The following GBE1 variants were observed in gnomAD, a reference collection of about 807,000 sequenced individuals.
The protein encoded by GBE1 is 1,4-alpha-glucan branching enzyme 1.
GBE1 carries 70 observed loss-of-function variants against 88.8 expected under a neutral mutation model. The observed-to-expected ratio is 0.79, with a 90% CI of 0.65 to 0.96. The LOEUF (loss-of-function observed/expected upper bound fraction) is 0.96, where lower values mean the gene tolerates loss of function less well. Among genes scored for constraint, GBE1 ranks in the 40% least tolerant of loss-of-function variants. GBE1 has a pLI of 0.00. For synonymous variants in GBE1, 284 were observed against 300.1 expected (o/e 0.95, Z 0.56); for missense variants, 872 against 871.0 (o/e 1.00, Z -0.01).
rs563050760 is a variant in GBE1 at position 81,745,783 on chromosome 3, T to TAAAG, written c.143+15588_143+15591dup. On this transcript the variant is annotated intron_variant, in intron 1 of 15. Coordinates refer to ENST00000429644, the MANE Select transcript of GBE1 (RefSeq NM_000158.4). ...AATTACTCCACTTTACCTTTCTGTT[T>TAAAG]AAAGGCAGATAAATTTTTAGCTATA... Among the ~76,000 whole-genome samples, 47 of 152,258 alleles carry TAAAG rather than the reference T, an allele frequency of 3.1e-4. 1 individual carries two copies. The highest frequency in any genetic ancestry group is 1.1e-3 in the African/African-American group (46 of 41,566).
intron 1 of GBE1, among the ~76,000 whole-genome samples, chr3:81,720,063 C>A (rs1382206829): frequency 2.6e-5 from 4 of 151,922 alleles, no homozygotes; most frequent in Non-Finnish European, 5.9e-5. Flanking sequence ...ACAAAAAAAT[C>A]CACATCTTTT....
At position 81,593,909 on chromosome 3, in the gene GBE1, C is replaced by G; in HGVS notation, c.1107G>C (p.Val369=). The change falls in exon 8 of 16, where the codon GTG becomes GTC. Residue 369 remains valine (V), a splice_region_variant and synonymous_variant. Coordinates refer to ENST00000429644, the MANE Select transcript of GBE1 (RefSeq NM_000158.4). The part of the protein sequence containing the change: ...VTSMLYHHHG[V]GQGFSGDYSE... Reference sequence around the variant, plus strand: ...ACCTGATTATATCAGGTTACCTACCCACTCCATGGTGATGATAAAGCATGG... The same window carrying G: ...ACCTGATTATATCAGGTTACCTACCGACTCCATGGTGATGATAAAGCATGG... 1.3e-6 allele frequency: 2 copies of G among 1,503,366 alleles called. No individual in the cohort carries two copies. Among genetic ancestry groups the G allele is most frequent in the Non-Finnish European group, 1.8e-6 (2 of 1,100,068 alleles). 93.1% of individuals were successfully genotyped at this position (1,503,366 alleles called of 1,614,324 possible). A position where few individuals can be genotyped will look rare whatever the true frequency, so the allele number is the denominator to read the frequency against.
At chr3:81,641,928 T>C (rs891963956) in intron 7 of GBE1, among the ~76,000 whole-genome samples, 1 of 149,198 alleles carries the variant, frequency 6.7e-6, no homozygotes, top group Non-Finnish European at 1.5e-5. Flanking sequence ...ATAATATGTA[T>C]ATAATACATA....
At chr3:81,528,733 T>C (rs1702978728) in intron 14 of GBE1, among the ~76,000 whole-genome samples, 1 of 152,048 alleles carries the variant, frequency 6.6e-6, no homozygotes, top group Middle Eastern at 3.2e-3. Flanking sequence ...ATGACCTTAT[T>C]TGTCTCTTTT....
chr3:81,671,143 T>C (rs1705183659), intron 2 of GBE1, among the ~76,000 whole-genome samples, 190 bp from the exon 3 acceptor site: 1 of 152,186 alleles, frequency 6.6e-6, no homozygotes, highest in Non-Finnish European at 1.5e-5. Flanking sequence ...TTATAAAAAA[T>C]GCATTTTAAA....
intron 14 of GBE1, among the ~76,000 whole-genome samples, chr3:81,529,265 C>T (rs887337637): frequency 2.0e-5 from 3 of 151,930 alleles, no homozygotes; most frequent in Admixed American, 6.6e-5. Context: ...CTTCATCTTG[C>T]CAGCATTTTA....
intron 2 of GBE1, among the ~76,000 whole-genome samples, chr3:81,683,066 C>A (rs1356190446): frequency 6.6e-6 from 1 of 152,076 alleles, no homozygotes; most frequent in East Asian, 1.9e-4. Flanking sequence ...GAAAGTAGAT[C>A]AGTGGTTGCC....
chr3:81,677,225 A>G (rs1376631183), intron 2 of GBE1, among the ~76,000 whole-genome samples: 2 of 152,262 alleles, frequency 1.3e-5, no homozygotes, highest in African/African-American at 4.8e-5. Context: ...TGTGCTAAAG[A>G]GTTTGGTTTG....
At chr3:81,746,448 T>C (rs963560455) in intron 1 of GBE1, among the ~76,000 whole-genome samples, 3 of 152,062 alleles carry the variant, frequency 2.0e-5, no homozygotes, top group South Asian at 2.1e-4. Context: ...TTTGGACAGA[T>C]GGGATCTCAC....
intron 14 of GBE1, among the ~76,000 whole-genome samples, chr3:81,520,207 T>G (rs1245877517): frequency 6.6e-6 from 1 of 151,464 alleles, no homozygotes; most frequent in Admixed American, 6.6e-5. Flanking sequence ...AGATACTGTG[T>G]TTTTTTCAAA....
chr3:81,664,341 A>G (rs1356402528), intron 3 of GBE1, among the ~76,000 whole-genome samples: 1 of 152,004 alleles, frequency 6.6e-6, no homozygotes, highest in Non-Finnish European at 1.5e-5. Flanking sequence ...TCACATGAGC[A>G]AAGCTGGAGG....
chr3:81,564,895 A>AT (rs984923403), intron 12 of GBE1, among the ~76,000 whole-genome samples: 13 of 152,104 alleles, frequency 8.5e-5, no homozygotes, highest in African/African-American at 2.9e-4. Flanking sequence ...ATTTGGTGAG[A>AT]TTTTTCAAAA....
chr3:81,750,524 C>CATATATATATAT (rs200708858), intron 1 of GBE1, among the ~76,000 whole-genome samples: 1 of 93,894 alleles, frequency 1.1e-5, no homozygotes, highest in Non-Finnish European at 1.9e-5. Flanking sequence ...TCAAAACATT[C>CATATATATATAT]ATATATATAT....
intron 7 of GBE1, among the ~76,000 whole-genome samples, chr3:81,637,559 G>T (rs1219104575): frequency 1.3e-5 from 2 of 152,068 alleles, no homozygotes; most frequent in African/African-American, 4.8e-5. Context: ...GTTTTCAAAT[G>T]TGGTTGTACA....
At chr3:81,569,680 G>A (rs1703546726) in intron 12 of GBE1, among the ~76,000 whole-genome samples, 2 of 152,170 alleles carry the variant, frequency 1.3e-5, no homozygotes, top group Admixed American at 6.5e-5. Flanking sequence ...TAGCAGTCAC[G>A]ACCACAGCTA....
At chr3:81,705,409 T>C in intron 2 of GBE1, 35 bp downstream of exon 2, 1 of 1,360,190 alleles carries the variant, frequency 7.4e-7, no homozygotes, top group South Asian at 1.5e-5. Context: ...GTTAATAAGA[T>C]ATTACTATTT....
intron 1 of GBE1, among the ~76,000 whole-genome samples, chr3:81,750,040 C>A (rs1479574906): frequency 6.6e-6 from 1 of 152,040 alleles, no homozygotes; most frequent in East Asian, 1.9e-4. Flanking sequence ...CAAAAAGAAG[C>A]CTGTTAGTTT....
chr3:81,499,014 GTTGC>G (rs1702551027), intron 15 of GBE1, 92 bp downstream of exon 15: 1 of 718,912 alleles, frequency 1.4e-6, no homozygotes, highest in Non-Finnish European at 2.4e-6. Context: ...TTTTTTCCAT[GTTGC>G]TTATTTGAAG....
intron 12 of GBE1, among the ~76,000 whole-genome samples, chr3:81,566,996 C>G (rs1004718370): frequency 4.6e-5 from 7 of 152,160 alleles, no homozygotes; most frequent in African/African-American, 1.4e-4. Context: ...CCCACTCGAA[C>G]TGCTATCTTA....
Sources: allele counts gnomAD v4.1 joint callset (sites outside exome capture counted in the v4.1 genomes callset), GRCh38; gene constraint gnomAD v4.1.1; transcripts MANE v1.5; gene names NCBI Gene and HGNC (gene_info 2026-07-23, HGNC 2026-07-21).